The following MYO1E variants were observed in gnomAD, a reference collection of about 807,000 sequenced individuals.
The protein encoded by MYO1E is myosin IE, also known as unconventional myosin-Ie.
In MYO1E, 68 loss-of-function variants were observed where a neutral mutation model predicts 151.1. That is an observed-to-expected ratio of 0.45 (90% CI 0.37 to 0.55). The LOEUF (loss-of-function observed/expected upper bound fraction) is 0.55. Among genes scored for constraint, MYO1E ranks in the 20% least tolerant of loss-of-function variants. The pLI, the probability that MYO1E is intolerant of heterozygous loss-of-function variation, is 0.00. For synonymous variants in MYO1E, 601 were observed against 501.7 expected (o/e 1.20, Z -2.64); for missense variants, 1,363 against 1,389.3 (o/e 0.98, Z 0.30).
chr15:59,306,829 ATGCTCATGAGT>A (rs2080517476), intron 1 of MYO1E, among the ~76,000 whole-genome samples: 1 of 152,228 alleles, frequency 6.6e-6, no homozygotes, highest in South Asian at 2.1e-4. Context: ...CCTGGTGCTC[ATGCTCATGAGT>A]TGCTCATGAT....
chr15:59,294,875 A>C (rs1275190008), intron 1 of MYO1E, among the ~76,000 whole-genome samples: 1 of 152,146 alleles, frequency 6.6e-6, no homozygotes, highest in Non-Finnish European at 1.5e-5. Context: ...TGATGTTCTC[A>C]CCACCTGGAC....
chr15:59,250,967 G>A (rs1472997063), intron 4 of MYO1E, among the ~76,000 whole-genome samples: 2 of 152,128 alleles, frequency 1.3e-5, no homozygotes, highest in African/African-American at 2.4e-5. Flanking sequence ...GGGGCCTCCA[G>A]ACTAGCAAGC....
At chr15:59,325,435 C>A (rs757416705) in intron 1 of MYO1E, among the ~76,000 whole-genome samples, 1 of 152,160 alleles carries the variant, frequency 6.6e-6, no homozygotes, top group Non-Finnish European at 1.5e-5. Flanking sequence ...AATTCGTGCA[C>A]AATGAGTCCC....
chr15:59,207,125 C>T, intron 14 of MYO1E: 2 of 1,614,260 alleles, frequency 1.2e-6, no homozygotes, highest in Middle Eastern at 1.6e-4. Context: ...GAGCGTTTCA[C>T]TTCCGAGAAG....
At chr15:59,361,493 T>C (rs907994532) in intron 1 of MYO1E, among the ~76,000 whole-genome samples, 21 of 152,152 alleles carry the variant, frequency 1.4e-4, no homozygotes, top group Non-Finnish European at 1.0e-4. Flanking sequence ...AAATTGACCA[T>C]ACTCCCTAAT....
At chr15:59,359,301 G>GTA (rs1166235701) in intron 1 of MYO1E, among the ~76,000 whole-genome samples, 40 of 143,600 alleles carry the variant, frequency 2.8e-4, no homozygotes, top group Non-Finnish European at 3.8e-4. Flanking sequence ...ATATGTATGT[G>GTA]TATATATATA....
chr15:59,166,186 T>G (rs1468679916), intron 22 of MYO1E, among the ~76,000 whole-genome samples: 1 of 152,262 alleles, frequency 6.6e-6, no homozygotes, highest in Non-Finnish European at 1.5e-5. Context: ...GCATTGGAGC[T>G]AGGCAGACCA....
intron 1 of MYO1E, among the ~76,000 whole-genome samples, chr15:59,351,493 G>A (rs151055306): frequency 9.2e-5 from 14 of 152,312 alleles, no homozygotes; most frequent in Middle Eastern, 3.4e-3. Context: ...AATTTAGACC[G>A]TAATGCATTT....
chr15:59,185,649 G>A (rs566288013), intron 18 of MYO1E, among the ~76,000 whole-genome samples: 1 of 152,246 alleles, frequency 6.6e-6, no homozygotes, highest in Non-Finnish European at 1.5e-5. Context: ...GCTAAGGCAG[G>A]AGGACTGCTT....
intron 4 of MYO1E, 100 bp from the exon 5 acceptor site, chr15:59,236,772 A>C: frequency 1.7e-6 from 2 of 1,170,112 alleles, no homozygotes; most frequent in South Asian, 1.3e-5. Context: ...AAACAAAAAA[A>C]CAAAAAAAAC....
At chr15:59,206,682 G>T (rs11852359) in intron 14 of MYO1E, 35,303 of 500,062 alleles carry the variant, frequency 0.071, 1,522 homozygotes, top group African/African-American at 0.16. Context: ...GTCAACTATT[G>T]ATAATACTCT....
At chr15:59,201,201 G>A (rs932784873) in intron 16 of MYO1E, among the ~76,000 whole-genome samples, 2 of 151,040 alleles carry the variant, frequency 1.3e-5, no homozygotes, top group Admixed American at 6.6e-5. Flanking sequence ...TGACTAAAGC[G>A]ATCCTCCTTC....
chr15:59,289,187 C>A (rs1437094919), intron 1 of MYO1E, among the ~76,000 whole-genome samples: 1 of 152,190 alleles, frequency 6.6e-6, no homozygotes, highest in African/African-American at 2.4e-5. Context: ...CACTGTGCAG[C>A]TCTCTGCTTC....
intron 1 of MYO1E, among the ~76,000 whole-genome samples, chr15:59,273,652 T>C (rs1341880308): frequency 1.2e-5 from 1 of 84,856 alleles, no homozygotes; most frequent in Non-Finnish European, 2.3e-5. Context: ...ACATTCATTA[T>C]AATCTATGCC....
intron 22 of MYO1E, among the ~76,000 whole-genome samples, chr15:59,167,625 C>T (rs930950100): frequency 1.3e-5 from 2 of 152,168 alleles, no homozygotes; most frequent in Non-Finnish European, 2.9e-5. Flanking sequence ...ACACTCTTCC[C>T]GAGTCTCCAA....
intron 8 of MYO1E, among the ~76,000 whole-genome samples, chr15:59,224,451 G>C (rs936409115): frequency 6.6e-6 from 1 of 152,206 alleles, no homozygotes; most frequent in Non-Finnish European, 1.5e-5. Flanking sequence ...AGCTCCTGCA[G>C]GGTGATAATG....
intron 1 of MYO1E, among the ~76,000 whole-genome samples, chr15:59,291,459 C>T (rs2080418096): frequency 6.6e-6 from 1 of 151,794 alleles, no homozygotes; most frequent in Admixed American, 6.6e-5. Context: ...ACAGAAGTAG[C>T]TGCTAGCTTT....
At chr15:59,319,550 CTTTT>C (rs59491381) in intron 1 of MYO1E, among the ~76,000 whole-genome samples, 51 of 63,706 alleles carry the variant, frequency 8.0e-4, no homozygotes, top group Admixed American at 1.7e-3. Context: ...GTCAAACTAC[CTTTT>C]TTTTTTTTTT....
intron 1 of MYO1E, among the ~76,000 whole-genome samples, chr15:59,333,313 G>A (rs1222921564): frequency 6.6e-6 from 1 of 151,894 alleles, no homozygotes; most frequent in African/African-American, 2.4e-5. Context: ...AATCTTGGCT[G>A]GCTGCAGCCT....
Sources: allele counts gnomAD v4.1 joint callset (sites outside exome capture counted in the v4.1 genomes callset), GRCh38; gene constraint gnomAD v4.1.1; transcripts MANE v1.5; gene names NCBI Gene and HGNC (gene_info 2026-07-23, HGNC 2026-07-21).